DNAI4: variants seen among roughly 807,000 people sequenced by gnomAD.
DNAI4 encodes the protein WD repeat domain 78.
Under a neutral mutation model 105.8 loss-of-function variants are expected in DNAI4, and 85 were observed. The ratio of observed to expected loss-of-function variants is 0.80; its 90% CI spans 0.67 to 0.96. The LOEUF (loss-of-function observed/expected upper bound fraction) is 0.96, where lower values mean the gene tolerates loss of function less well. Among genes scored for constraint, DNAI4 ranks in the 40% least tolerant of loss-of-function variants. The probability of loss-of-function intolerance (pLI) is 0.00; values close to 1 mark genes in which losing one functional copy is unlikely to be tolerated. For synonymous variants in DNAI4, 352 were observed against 331.5 expected, an observed-to-expected ratio of 1.06 and a Z score of -0.67; for missense variants, 1,014 against 1,005.6, an observed-to-expected ratio of 1.01 and a Z score of -0.11.
intron 7 of DNAI4, among the ~76,000 whole-genome samples, chr1:66,851,510 C>A (rs2100550044): frequency 6.6e-6 from 1 of 151,760 alleles, no homozygotes; most frequent in East Asian, 1.9e-4. Context: ...ACATCCCAGG[C>A]CATACAACAA....
Position 66,905,246 on chromosome 1 carries a change from T to G in DNAI4, c.300A>C (p.Glu100Asp), listed in dbSNP as rs1557977814. The change falls in exon 2 of 17, where the codon GAA (glutamate) becomes GAC (aspartate). Residue 100 changes from glutamate (E) to aspartate (D), a missense_variant. Coordinates refer to ENST00000371026, the MANE Select transcript of DNAI4 (RefSeq NM_024763.5). The part of the protein sequence containing the change: ...AVSKTVLIPP[E>D]LKTVEKPNPN... ...GATTTGGTTTTTCTACAGTTTTCAG[T>G]TCAGGTGGAATAAGCACGGTTTTGG... 6.4e-7 allele frequency: 1 copy of G among 1,572,872 alleles called. No homozygotes were observed. The highest frequency in any genetic ancestry group is 1.7e-5 in the Admixed American group (1 of 58,926).
Position 66,847,667 on chromosome 1 carries a change from T to C in DNAI4, c.1108A>G (p.Ser370Gly). 1 of 1,602,064 alleles carries C rather than the reference T, an allele frequency of 6.2e-7. No homozygotes were observed. The highest frequency in any genetic ancestry group is 8.5e-7 in the Non-Finnish European group (1 of 1,173,824). Residue 370 changes from serine (S) to glycine (G), a missense_variant, in exon 8 of 17, where the codon AGT becomes GGT. Ser to Gly is a moderately conservative substitution (Grantham distance 56). Transcript: ENST00000371026. Reference protein sequence around the residue: ...GSTTEKNSETSSLMDIENVIL... With the variant: ...GSTTEKNSETGSLMDIENVIL... ...ACATTTTCTATGTCCATTAGAGAAC[T>C]AGTTTCACTATCTACAAAATACAAA...
Position 66,827,851 on chromosome 1 carries a change from TGAACAA to T in DNAI4, c.2067_2072del (p.Cys690_Ser691del). 6.2e-7 allele frequency: 1 copy of T among 1,607,656 alleles called. No individual in the cohort carries two copies. Among genetic ancestry groups the T allele is most frequent in the Non-Finnish European group, 8.5e-7 (1 of 1,177,118 alleles). On this transcript the variant is annotated inframe_deletion, in exon 14 of 17. Coordinates refer to ENST00000371026, the MANE Select transcript of DNAI4 (RefSeq NM_024763.5). ...AGGTATCTAAGTATTGTTCATTATA[TGAACAA>T]GAACATTTGTGAATATGACCTTCTT...
rs755412295 is a variant in DNAI4 at position 66,883,180 on chromosome 1, C to CTTTT, written c.643+7970_643+7973dup. ...TATTGGTGCCAGGAAGTTTTCTTTT[C>CTTTT]TTTTTTTTTTTTTTTTTTTTTGTAG... On this transcript the variant is annotated intron_variant, in intron 4 of 16. Coordinates refer to ENST00000371026, the MANE Select transcript of DNAI4 (RefSeq NM_024763.5). Among the ~76,000 whole-genome samples, 774 of 92,872 alleles carry CTTTT rather than the reference C, an allele frequency of 8.3e-3. 1 individual carries two copies. The highest frequency in any genetic ancestry group is 0.012 in the East Asian group (39 of 3,204). 60.9% of individuals were successfully genotyped at this position (92,872 alleles called of 152,430 possible).
At chr1:66,892,009 G>A (rs1028637721) in intron 3 of DNAI4, among the ~76,000 whole-genome samples, 2 of 151,994 alleles carry the variant, frequency 1.3e-5, no homozygotes, top group Non-Finnish European at 2.9e-5. Flanking sequence ...CTGTTCAAAT[G>A]TCATCTTAAA....
intron 4 of DNAI4, among the ~76,000 whole-genome samples, chr1:66,882,433 T>C (rs1281315149): frequency 6.6e-6 from 1 of 152,212 alleles, no homozygotes; most frequent in Non-Finnish European, 1.5e-5. Flanking sequence ...AAAAGTTTCT[T>C]ACTTTTGCAT....
intron 8 of DNAI4, among the ~76,000 whole-genome samples, chr1:66,843,917 G>C (rs558105642): frequency 6.6e-6 from 1 of 151,644 alleles, no homozygotes; most frequent in South Asian, 2.1e-4. Context: ...TTTATACTAA[G>C]TCTTGAAATA....
chr1:66,836,145 AAAG>A (rs1178200253), intron 10 of DNAI4, among the ~76,000 whole-genome samples: 1 of 25,406 alleles, frequency 3.9e-5, no homozygotes, highest in African/African-American at 1.3e-4. Context: ...GAAAGAAAAG[AAAG>A]AAAGAAAGAA....
chr1:66,856,427 C>G (rs112802209), intron 7 of DNAI4, among the ~76,000 whole-genome samples: 5 of 151,856 alleles, frequency 3.3e-5, no homozygotes, highest in African/African-American at 1.2e-4. Flanking sequence ...GAGCCGAGAT[C>G]GTGCCACTGC....
At chr1:66,872,774 G>A (rs1303158367) in intron 5 of DNAI4, among the ~76,000 whole-genome samples, 2 of 151,930 alleles carry the variant, frequency 1.3e-5, no homozygotes, top group Non-Finnish European at 2.9e-5. Context: ...GTGTTGTCCA[G>A]GGTGATCTCC....
At chr1:66,835,304 A>G (rs1645961070) in intron 11 of DNAI4, among the ~76,000 whole-genome samples, 1 of 152,180 alleles carries the variant, frequency 6.6e-6, no homozygotes, top group Non-Finnish European at 1.5e-5. Flanking sequence ...GCACTATGAT[A>G]AAGGTATGTA....
At chr1:66,877,520 T>C (rs1275285728) in intron 4 of DNAI4, among the ~76,000 whole-genome samples, 1 of 152,200 alleles carries the variant, frequency 6.6e-6, no homozygotes, top group Non-Finnish European at 1.5e-5. Context: ...AGAAGAGTTG[T>C]AAGAATAATT....
chr1:66,921,933 G>A (rs2100912039), intron 1 of DNAI4, among the ~76,000 whole-genome samples: 1 of 143,430 alleles, frequency 7.0e-6, no homozygotes, highest in South Asian at 2.2e-4. Context: ...ATCTCACTCT[G>A]TCGACCAGGC....
intron 16 of DNAI4, 63 bp downstream of exon 16, chr1:66,822,298 C>T (rs1386585431): frequency 2.9e-6 from 4 of 1,386,820 alleles, no homozygotes; most frequent in Non-Finnish European, 3.9e-6. Flanking sequence ...CCTTTGCATG[C>T]TACAAAAGTA....
chr1:66,868,843 C>T (rs1012188730), intron 6 of DNAI4, among the ~76,000 whole-genome samples: 49 of 151,786 alleles, frequency 3.2e-4, no homozygotes, highest in East Asian at 1.5e-3. Context: ...TTTGGGAGGC[C>T]GAGGTGGGCA....
intron 4 of DNAI4, among the ~76,000 whole-genome samples, chr1:66,877,098 T>A (rs1431765940): frequency 6.6e-6 from 1 of 152,196 alleles, no homozygotes; most frequent in East Asian, 1.9e-4. Flanking sequence ...GGGATGCAAT[T>A]GTTTGGCTAT....
intron 7 of DNAI4, chr1:66,860,674 C>T (rs1350215611): frequency 6.6e-6 from 1 of 152,000 alleles, no homozygotes; most frequent in Non-Finnish European, 1.5e-5. Flanking sequence ...CTGAAAGATT[C>T]ACAAATTGAG....
chr1:66,922,099 CA>C (rs1206351917), intron 1 of DNAI4, among the ~76,000 whole-genome samples: 10 of 151,954 alleles, frequency 6.6e-5, no homozygotes, highest in Non-Finnish European at 1.5e-5. Flanking sequence ...CCATGTTGCC[CA>C]GGCTGGTTGT....
chr1:66,887,888 A>T (rs1474595628), intron 4 of DNAI4, among the ~76,000 whole-genome samples: 3 of 152,004 alleles, frequency 2.0e-5, no homozygotes. Flanking sequence ...GAACCCAGGA[A>T]GCAGAGGTTG....
Sources: gnomAD v4.1 joint callset for allele counts (sites outside exome capture counted in the v4.1 genomes callset) on GRCh38, gnomAD v4.1.1 for gene constraint, MANE v1.5 for transcripts, NCBI Gene and HGNC (gene_info 2026-07-23, HGNC 2026-07-21) for gene names.